The following TRIP11 variants were observed in gnomAD, a reference collection of about 807,000 sequenced individuals.
TRIP11 encodes the protein thyroid receptor-interacting protein 11.
Under a neutral mutation model 223.1 loss-of-function variants are expected in TRIP11, and 148 were observed. The observed-to-expected ratio is 0.66, with a 90% CI of 0.58 to 0.76. The LOEUF (loss-of-function observed/expected upper bound fraction) is 0.76. TRIP11 is among the 30% of genes least tolerant of loss of function. The pLI, the probability that TRIP11 is intolerant of heterozygous loss-of-function variation, is 0.00. For synonymous variants in TRIP11, 762 were observed against 772.6 expected (o/e 0.99, Z 0.23); for missense variants, 2,043 against 2,222.0 (o/e 0.92, Z 1.62).
intron 1 of TRIP11, among the ~76,000 whole-genome samples, chr14:92,038,977 G>A (rs1391172997): frequency 6.6e-6 from 1 of 152,054 alleles, no homozygotes. Flanking sequence ...TGGGCGAAAT[G>A]GGCGATTATA....
intron 19 of TRIP11, among the ~76,000 whole-genome samples, chr14:91,974,004 G>A (rs775465248): frequency 1.5e-4 from 23 of 152,158 alleles, no homozygotes; most frequent in Non-Finnish European, 3.1e-4. Flanking sequence ...CTCCAGCCTG[G>A]GCGACAGAGC....
intron 16 of TRIP11, among the ~76,000 whole-genome samples, chr14:91,984,320 T>A (rs993393552): frequency 2.7e-5 from 4 of 148,320 alleles, no homozygotes; most frequent in Non-Finnish European, 6.0e-5. Flanking sequence ...TTCTTTTCTT[T>A]TTTTTTTTTT....
chr14:91,992,604 C>CA (rs2056688275), intron 15 of TRIP11, among the ~76,000 whole-genome samples: 1 of 152,070 alleles, frequency 6.6e-6, no homozygotes. Flanking sequence ...CAGTTATTGA[C>CA]AGTCTATTTA....
At position 91,999,326 on chromosome 14, in the gene TRIP11, T is replaced by C. The variant is rs2056790992; in HGVS notation, c.4806A>G (p.Ala1602=). The change falls in exon 13 of 21, where the codon GCA becomes GCG. Residue 1602 remains alanine (A), a synonymous_variant. Transcript: ENST00000267622. ...TTCTTAGTTTAGCCTCTCTATCTTC[T>C]GCAGCCAAAGCTTCACGGGTATAAG... is the stretch of plus-strand genomic sequence containing the variant. ...EDSYTREALA[A]EDREAKLRKK... 1 of 1,613,992 alleles carries C rather than the reference T, an allele frequency of 6.2e-7. No homozygotes were observed. The highest frequency in any genetic ancestry group is 8.5e-7 in the Non-Finnish European group (1 of 1,179,930).
Position 92,039,978 on chromosome 14 carries a change from T to C in TRIP11, c.-293A>G. On this transcript the variant is annotated 5_prime_UTR_variant, in exon 1 of 21. Transcript: ENST00000267622. The stretch of plus-strand genomic sequence containing the variant: ...TGGGCCACTTCTTTCTCAGCTCTAA[T>C]GACTTTCCTCAGTTCCGTGGGTTAC... The C allele has an allele frequency of 9.8e-6, 5 of 511,568 alleles. No homozygotes were observed. Among genetic ancestry groups the C allele is most frequent in the South Asian group, 4.1e-5 (2 of 48,414 alleles). The allele number at this position is 511,568 out of a possible 1,614,324, so 31.7% of individuals were successfully genotyped here. A position where few individuals can be genotyped will look rare whatever the true frequency, so the allele number is the denominator to read the frequency against.
At chr14:91,986,811 A>G (rs1287258391) in intron 16 of TRIP11, among the ~76,000 whole-genome samples, 1 of 152,186 alleles carries the variant, frequency 6.6e-6, no homozygotes, top group Non-Finnish European at 1.5e-5. Context: ...CGATCTAACT[A>G]GACTGTTTTC....
intron 20 of TRIP11, among the ~76,000 whole-genome samples, chr14:91,972,076 C>A (rs778372849): frequency 2.0e-5 from 3 of 152,082 alleles, no homozygotes; most frequent in South Asian, 2.1e-4. Flanking sequence ...AATTTTCTTG[C>A]GTGCCAGTAT....
At chr14:91,977,365 C>T (rs1315834478) in intron 16 of TRIP11, 1 of 311,828 alleles carries the variant, frequency 3.2e-6, no homozygotes, top group Non-Finnish European at 6.3e-6. Context: ...CTGTTTTAAG[C>T]GTTTTATAGT....
At chr14:91,982,749 C>G (rs922819576) in intron 16 of TRIP11, among the ~76,000 whole-genome samples, 3 of 152,230 alleles carry the variant, frequency 2.0e-5, no homozygotes, top group African/African-American at 7.2e-5. Flanking sequence ...TGAGAATCTG[C>G]TGCCTCCATA....
chr14:91,996,305 C>T (rs944231125), intron 13 of TRIP11, among the ~76,000 whole-genome samples: 1 of 152,202 alleles, frequency 6.6e-6, no homozygotes, highest in Non-Finnish European at 1.5e-5. Context: ...TTCAATCACT[C>T]TTCCTGTGAA....
At position 92,037,836 on chromosome 14, in the gene TRIP11, A is replaced by G. The variant is rs1595418299; in HGVS notation, c.139+1711T>C. Among the ~76,000 whole-genome samples the G allele has an allele frequency of 6.6e-6, 1 of 152,236 alleles. No homozygotes were observed. The highest frequency in any genetic ancestry group is 2.4e-5 in the African/African-American group (1 of 41,468). On this transcript the variant is annotated intron_variant, in intron 1 of 20. Transcript: ENST00000267622. The surrounding 1 kb of genome is among the most constrained non-coding windows in gnomAD (Gnocchi z 4.2). Reference sequence around the variant, plus strand: ...GGTTGCAGCGAGCCGAGATCGCGCCACTGCATCCAGCCTACGCAACAGAGT... The same window carrying G: ...GGTTGCAGCGAGCCGAGATCGCGCCGCTGCATCCAGCCTACGCAACAGAGT...
intron 2 of TRIP11, among the ~76,000 whole-genome samples, chr14:92,032,156 T>C (rs2057273605): frequency 6.6e-6 from 1 of 152,118 alleles, no homozygotes; most frequent in African/African-American, 2.4e-5. Flanking sequence ...GTATCCTTTT[T>C]TTCTTTTTTT....
chr14:92,039,518 G>A, intron 1 of TRIP11, 29 bp downstream of exon 1: 2 of 1,611,390 alleles, frequency 1.2e-6, no homozygotes, highest in African/African-American at 2.7e-5. Flanking sequence ...TCTTAGAAAA[G>A]CCCTCCCTTC....
rs753237973 is a variant in TRIP11, at chr14:92,021,737, C to A, written c.407G>T (p.Gly136Val). 1 of 1,614,180 alleles carries A rather than the reference C, an allele frequency of 6.2e-7. No homozygotes were observed. Among genetic ancestry groups the A allele is most frequent in the Non-Finnish European group, 8.5e-7 (1 of 1,180,030 alleles). The stretch of plus-strand genomic sequence containing the variant: ...AGATGATGCAGTGGTTGCTGGTACA[C>A]CAGCTCCTGAAGGTACTGACTGAGC... ...SAAQSVPSGAGVPATTASSSF... is the reference protein window; with the variant it reads ...SAAQSVPSGAVVPATTASSSF... Residue 136 changes from glycine (G) to valine (V), a missense_variant, in exon 4 of 21, where the codon GGT (glycine) becomes GTT (valine). Transcript: ENST00000267622.
At position 92,039,947 on chromosome 14, in the gene TRIP11, C is replaced by T; in HGVS notation, c.-262G>A. Reference sequence around the variant, plus strand: ...GCTCATTCCCACGAATTCCCACCGTCCAGATTGGGCCACTTCTTTCTCAGC... The same window carrying T: ...GCTCATTCCCACGAATTCCCACCGTTCAGATTGGGCCACTTCTTTCTCAGC... On this transcript the variant is annotated 5_prime_UTR_variant, in exon 1 of 21. Coordinates refer to ENST00000267622, the MANE Select transcript of TRIP11 (RefSeq NM_004239.4). The T allele has an allele frequency of 3.4e-6, 2 of 584,628 alleles. No individual in the cohort carries two copies. The highest frequency in any genetic ancestry group is 5.9e-6 in the Non-Finnish European group (2 of 336,800). 36.2% of individuals were successfully genotyped at this position (584,628 alleles called of 1,614,324 possible). A position where few individuals can be genotyped will look rare whatever the true frequency, so the allele number is the denominator to read the frequency against.
At chr14:91,975,363 A>G (rs2056451316) in intron 17 of TRIP11, 77 bp from the exon 18 acceptor site, 1 of 902,166 alleles carries the variant, frequency 1.1e-6, no homozygotes, top group Non-Finnish European at 1.8e-6. Context: ...AGAAATATTT[A>G]ATTATATTAA....
chr14:92,029,394 C>T (rs1359346329), intron 2 of TRIP11, among the ~76,000 whole-genome samples: 1 of 141,426 alleles, frequency 7.1e-6, no homozygotes, highest in Non-Finnish European at 1.5e-5. Context: ...CTCCCAGGTT[C>T]AAGCAATTCT....
Position 92,004,093 on chromosome 14 carries a change from T to C in TRIP11, c.3883A>G (p.Ile1295Val), listed in dbSNP as rs1478054646. The C allele has an allele frequency of 1.9e-6, 3 of 1,614,206 alleles. No homozygotes were observed. Among genetic ancestry groups the C allele is most frequent in the South Asian group, 1.1e-5 (1 of 91,088 alleles). ...GQELAQVQHSIGQLCNTKDLL... is the reference protein window; with the variant it reads ...GQELAQVQHSVGQLCNTKDLL... ...TCCTTGGTATTGCAAAGCTGCCCAA[T>C]GCTGTGCTGAACTTGTGCTAATTCC... Residue 1295 changes from isoleucine to valine, a missense_variant, in exon 11 of 21, where the codon ATT (isoleucine) becomes GTT (valine). Coordinates refer to ENST00000267622, the MANE Select transcript of TRIP11 (RefSeq NM_004239.4).
intron 5 of TRIP11, among the ~76,000 whole-genome samples, chr14:92,017,360 T>C (rs2057047491): frequency 6.6e-6 from 1 of 152,028 alleles, no homozygotes; most frequent in Admixed American, 6.5e-5. Flanking sequence ...TGGGCACCAT[T>C]AGCAAACCCC....
Sources: gnomAD v4.1 joint callset for allele counts (sites outside exome capture counted in the v4.1 genomes callset) on GRCh38, gnomAD v4.1.1 for gene constraint, Gnocchi (gnomAD v3.1) non-coding constraint, MANE v1.5 for transcripts, NCBI Gene and HGNC (gene_info 2026-07-23, HGNC 2026-07-21) for gene names.